The following FTO variants were observed in gnomAD, a reference collection of about 807,000 sequenced individuals.
FTO encodes alpha-ketoglutarate-dependent dioxygenase FTO.
In FTO, 47 loss-of-function variants were observed where a neutral mutation model predicts 63.9. That is an observed-to-expected ratio of 0.74 (90% confidence interval 0.58 to 0.94). The LOEUF (loss-of-function observed/expected upper bound fraction) is 0.94, where lower values mean the gene tolerates loss of function less well. FTO is among the 40% of genes least tolerant of loss of function. The pLI is 0.00. For missense variants in FTO, 562 were observed against 618.1 expected (o/e 0.91, Z 0.96); for synonymous variants, 207 against 224.4 (o/e 0.92, Z 0.69).
At chr16:53,937,111 G>A (rs914710539) in intron 8 of FTO, 9 of 396,468 alleles carry the variant, frequency 2.3e-5, no homozygotes, top group African/African-American at 4.1e-5. Context: ...TGGGGTAACC[G>A]AGTTTGTCAC....
chr16:53,792,272 A>G (rs1294791649), intron 1 of FTO, among the ~76,000 whole-genome samples: 1 of 152,180 alleles, frequency 6.6e-6, no homozygotes, highest in Non-Finnish European at 1.5e-5. Context: ...CTGATAGTCG[A>G]TGTAGCTGTG....
chr16:53,937,003 C>T (rs548133487), intron 8 of FTO, among the ~76,000 whole-genome samples: 12 of 152,310 alleles, frequency 7.9e-5, no homozygotes, highest in South Asian at 2.1e-4. Flanking sequence ...TCAGGTCAGG[C>T]GCCAAGCCAT....
chr16:53,902,724 A>G (rs1460188146), intron 7 of FTO, among the ~76,000 whole-genome samples: 4 of 152,210 alleles, frequency 2.6e-5, no homozygotes, highest in South Asian at 2.1e-4. Flanking sequence ...CTCCATGAGC[A>G]TATGACCTGA....
At chr16:54,020,208 C>G (rs1373046345) in intron 8 of FTO, among the ~76,000 whole-genome samples, 1 of 152,098 alleles carries the variant, frequency 6.6e-6, no homozygotes, top group East Asian at 1.9e-4. Context: ...TTCCTGTATG[C>G]AGTTGGATTA....
chr16:53,958,072 A>G (rs2082971281), intron 8 of FTO, among the ~76,000 whole-genome samples: 1 of 152,198 alleles, frequency 6.6e-6, no homozygotes, highest in South Asian at 2.1e-4. Flanking sequence ...CACATTTACT[A>G]TTTGTTATGG....
intron 1 of FTO, among the ~76,000 whole-genome samples, chr16:53,765,448 G>A (rs569924908): frequency 1.3e-5 from 2 of 151,796 alleles, no homozygotes; most frequent in African/African-American, 2.4e-5. Flanking sequence ...CCAGCTACTC[G>A]GGAGGCTGAA....
chr16:53,753,848 C>T (rs926032161), intron 1 of FTO, among the ~76,000 whole-genome samples: 2 of 152,192 alleles, frequency 1.3e-5, no homozygotes, highest in Non-Finnish European at 2.9e-5. Context: ...AGGATTTCCA[C>T]GCTTTCTTTC....
chr16:53,767,512 T>A (rs1434564014), intron 1 of FTO, among the ~76,000 whole-genome samples: 1 of 151,914 alleles, frequency 6.6e-6, no homozygotes, highest in African/African-American at 2.4e-5. Context: ...ATAAAAAAAA[T>A]AAAAAATAAA....
chr16:53,777,953 G>A (rs766436449), intron 1 of FTO, among the ~76,000 whole-genome samples: 1 of 152,074 alleles, frequency 6.6e-6, no homozygotes, highest in African/African-American at 2.4e-5. Flanking sequence ...AATCACACAT[G>A]TACTTTTGTT....
chr16:53,921,177 G>A (rs2081998689), intron 7 of FTO, among the ~76,000 whole-genome samples: 1 of 152,182 alleles, frequency 6.6e-6, no homozygotes, highest in Admixed American at 6.5e-5. Context: ...GTTAGGGACT[G>A]AGCTGTCAGC....
Position 54,113,871 on chromosome 16 carries a change from G to A in FTO, c.*1956G>A, listed in dbSNP as rs1373107496. ...TCACCAGGCTAGAGTGCAGTGGCAC[G>A]ATCTCAGCTCACTGCAACCTCTGCC... is the stretch of plus-strand genomic sequence containing the variant. On this transcript the variant is annotated 3_prime_UTR_variant, in exon 9 of 9. Coordinates refer to ENST00000471389, the MANE Select transcript of FTO (RefSeq NM_001080432.3). The A allele has an allele frequency of 2.0e-5, 3 of 149,096 alleles. No homozygotes were observed. The highest frequency in any genetic ancestry group is 3.0e-5 in the Non-Finnish European group (2 of 67,684). The allele number at this position is 149,096 out of a possible 1,614,324, so 9.2% of individuals were successfully genotyped here. A position where few individuals can be genotyped will look rare whatever the true frequency, so the allele number is the denominator to read the frequency against.
intron 1 of FTO, among the ~76,000 whole-genome samples, chr16:53,754,896 A>G (rs937242083): frequency 2.0e-4 from 30 of 152,200 alleles, no homozygotes; most frequent in Admixed American, 1.9e-3. Context: ...AACAGATCGT[A>G]TGACAATATG....
intron 4 of FTO, among the ~76,000 whole-genome samples, chr16:53,851,295 A>G (rs983181352): frequency 4.6e-5 from 7 of 150,798 alleles, no homozygotes; most frequent in Non-Finnish European, 5.9e-5. Context: ...TAAAAAAAAA[A>G]AAAAAAAAAA....
At chr16:53,828,912 A>G (rs1053336780) in intron 3 of FTO, among the ~76,000 whole-genome samples, 1 of 152,060 alleles carries the variant, frequency 6.6e-6, no homozygotes, top group East Asian at 1.9e-4. Flanking sequence ...ATTTTTTGAG[A>G]CAGAGTGTTG....
chr16:53,756,563 A>G (rs1015992066), intron 1 of FTO, among the ~76,000 whole-genome samples: 3 of 152,228 alleles, frequency 2.0e-5, no homozygotes, highest in Non-Finnish European at 2.9e-5. Context: ...TACAATAGCT[A>G]TAGTGGGTTA....
chr16:53,961,133 C>A (rs1309443429), intron 8 of FTO, among the ~76,000 whole-genome samples: 1 of 152,014 alleles, frequency 6.6e-6, no homozygotes, highest in Non-Finnish European at 1.5e-5. Flanking sequence ...ATCCTGCCAT[C>A]AGAGGCTCTC....
chr16:53,991,668 T>C (rs1373354858), intron 8 of FTO: 14 of 152,220 alleles, frequency 9.2e-5, no homozygotes, highest in Admixed American at 5.2e-4. Context: ...CTTGGTATGC[T>C]TCCTGGAGGA....
At chr16:53,852,798 C>T (rs192100925) in intron 4 of FTO, among the ~76,000 whole-genome samples, 1 of 152,212 alleles carries the variant, frequency 6.6e-6, no homozygotes, top group Admixed American at 6.5e-5. Flanking sequence ...TAGTTTCCCT[C>T]TCCCCCTGGA....
Position 54,115,441 on chromosome 16 carries a change from TAAC to T in FTO, c.*3529_*3531del, listed in dbSNP as rs1445980000. 1 of 152,210 alleles carries T rather than the reference TAAC, an allele frequency of 6.6e-6. No individual in the cohort carries two copies. Among genetic ancestry groups the T allele is most frequent in the Non-Finnish European group, 1.5e-5 (1 of 68,130 alleles). The allele number at this position is 152,210 out of a possible 1,614,324, so 9.4% of individuals were successfully genotyped here. A position where few individuals can be genotyped will look rare whatever the true frequency, so the allele number is the denominator to read the frequency against. Reference sequence around the variant, plus strand: ...AAATAGACAGTAAGCAGCAAATCAATAACAAGAGTGTTCCAGATGGTTGTAAGT... The same window carrying T: ...AAATAGACAGTAAGCAGCAAATCAATAAGAGTGTTCCAGATGGTTGTAAGT... On this transcript the variant is annotated 3_prime_UTR_variant, in exon 9 of 9. Transcript: ENST00000471389.
Sources: allele counts gnomAD v4.1 joint callset (sites outside exome capture counted in the v4.1 genomes callset), GRCh38; gene constraint gnomAD v4.1.1; transcripts MANE v1.5; gene names NCBI Gene and HGNC (gene_info 2026-07-23, HGNC 2026-07-21).